The following ASTE1 variants were observed in gnomAD, a reference collection of about 807,000 sequenced individuals.
ASTE1 encodes asteroid structure-specific endonuclease 1, also known as single-strand DNA endonuclease ASTE1.
ASTE1 carries 49 observed loss-of-function variants against 45.8 expected under a neutral mutation model. That is an observed-to-expected ratio of 1.07 (90% confidence interval 0.85 to 1.36). ASTE1 has a LOEUF of 1.36. ASTE1 is among the 40% of genes most tolerant of loss of function. The pLI is 0.00. For synonymous variants in ASTE1, 296 were observed against 303.9 expected (o/e 0.97, Z 0.27); for missense variants, 709 against 804.0 (o/e 0.88, Z 1.43).
Position 131,016,143 on chromosome 3 carries a change from C to A in ASTE1, c.1709+1G>T. 2.5e-6 allele frequency: 4 copies of A among 1,613,416 alleles called. No individual in the cohort carries two copies. The highest frequency in any genetic ancestry group is 3.4e-6 in the Non-Finnish European group (4 of 1,179,916). On this transcript the variant is annotated splice_donor_variant, in intron 5 of 5. Coordinates refer to ENST00000264992, the MANE Select transcript of ASTE1 (RefSeq NM_014065.4). LOFTEE classifies it high-confidence loss of function. ...GAACTAAAGTTTCCCATGGTGCTTA[C>A]CGAGTTAGGTCTGGCTCTGGGAGAG...
At chr3:131,014,491 T>C in intron 5 of ASTE1, 104 bp from the exon 6 acceptor site, 11 of 1,064,814 alleles carry the variant, frequency 1.0e-5, no homozygotes, top group South Asian at 3.5e-5. Flanking sequence ...CAATGAGAGC[T>C]CTTATTGCTC....
intron 3 of ASTE1, 108 bp downstream of exon 3, chr3:131,023,897 G>T: frequency 8.8e-7 from 1 of 1,140,532 alleles, no homozygotes; most frequent in Non-Finnish European, 1.2e-6. Flanking sequence ...GGGCAAGATA[G>T]CACTCAACCT....
chr3:131,016,942 A>C, intron 4 of ASTE1: 1 of 1,237,770 alleles, frequency 8.1e-7, no homozygotes, highest in African/African-American at 1.6e-5. Flanking sequence ...GCAGGGGTGC[A>C]CAAAATAACA....
chr3:131,014,172 T>C lies in ASTE1; in HGVS notation c.1925A>G (p.Lys642Arg). The C allele has an allele frequency of 6.2e-7, 1 of 1,614,058 alleles. No individual in the cohort carries two copies. Among genetic ancestry groups the C allele is most frequent in the Non-Finnish European group, 8.5e-7 (1 of 1,180,010 alleles). The change falls in exon 6 of 6, where the codon AAG (lysine) becomes AGG (arginine). Residue 642 changes from lysine to arginine, a missense_variant. By Grantham distance (26) the Lys-to-Arg change is conservative. Coordinates refer to ENST00000264992, the MANE Select transcript of ASTE1 (RefSeq NM_014065.4). Reference sequence around the variant, plus strand: ...GTGTGCAGTGGTTCTCCCTCTGTTCTTAGAACAGCTGGTATTCTGTTTCTT... The same window carrying C: ...GTGTGCAGTGGTTCTCCCTCTGTTCCTAGAACAGCTGGTATTCTGTTTCTT... ...RQKKQNTSCS[K>R]NRGRTTAHTK...
intron 4 of ASTE1, chr3:131,017,035 C>T: frequency 7.8e-7 from 1 of 1,289,404 alleles, no homozygotes; most frequent in Non-Finnish European, 1.0e-6. Context: ...TGCCTGGGTA[C>T]AGGGTCCACA....
Position 131,017,969 on chromosome 3 carries a change from C to CAA in ASTE1, c.1513+535_1513+536dup, listed in dbSNP as rs10555602. Among the ~76,000 whole-genome samples, 254 of 44,794 alleles carry CAA rather than the reference C, an allele frequency of 5.7e-3. 14 individuals are homozygous for CAA. Among genetic ancestry groups the CAA allele is most frequent in the African/African-American group, 0.016 (215 of 13,610 alleles). 29.4% of individuals were successfully genotyped at this position (44,794 alleles called of 152,430 possible). On this transcript the variant is annotated intron_variant, in intron 4 of 5. Coordinates refer to ENST00000264992, the MANE Select transcript of ASTE1 (RefSeq NM_014065.4). ...TAGGCAACAGAGTGAGACTCCATCT[C>CAA]AAAAAAAAAAAAAAAAAAAAAAAAA...
intron 3 of ASTE1, among the ~76,000 whole-genome samples, chr3:131,019,945 A>G (rs1213892130): frequency 6.6e-6 from 1 of 152,226 alleles, no homozygotes; most frequent in Non-Finnish European, 1.5e-5. Flanking sequence ...TACTGGAAGT[A>G]GTTTTAACTA....
In ASTE1 at chr3:131,014,066, G is replaced by A. The variant is rs2063454929; in HGVS notation, c.2031C>T (p.Asn677=). Residue 677 remains asparagine (N), a synonymous_variant, in exon 6 of 6, where the codon AAC becomes AAT. Transcript: ENST00000264992. ...ENLEEHSEAS[N]IE ...TGATGCAAACTGAGTTTTATTCAAT[G>A]TTGGAGGCCTCACTATGTTCCTCTA... 4.4e-6 allele frequency: 7 copies of A among 1,580,772 alleles called. No individual in the cohort carries two copies. The highest frequency in any genetic ancestry group is 6.0e-6 in the Non-Finnish European group (7 of 1,166,932).
chr3:131,017,008 G>C, intron 4 of ASTE1: 2 of 1,289,362 alleles, frequency 1.6e-6, no homozygotes, highest in Non-Finnish European at 2.0e-6. Context: ...AACTAGCGAG[G>C]AGCAAGACAC....
Position 131,024,639 on chromosome 3 carries a change from C to A in ASTE1, c.668G>T (p.Gly223Val). ...GATGGGTAGATTAACATGGTCATTTCCACATAGCACCGCAAAGAGAGGTAG... is the reference window on the plus strand; with the variant it reads ...GATGGGTAGATTAACATGGTCATTTACACATAGCACCGCAAAGAGAGGTAG... Reference protein sequence around the residue: ...ALLPLFAVLCGNDHVNLPIME... With the variant: ...ALLPLFAVLCVNDHVNLPIME... Residue 223 changes from glycine (G) to valine (V), a missense_variant, in exon 3 of 6, where the codon GGA becomes GTA. Physicochemically the swap from Gly to Val is moderately radical, Grantham distance 109. Transcript: ENST00000264992. 1 of 1,598,168 alleles carries A rather than the reference C, an allele frequency of 6.3e-7. No individual in the cohort carries two copies. The highest frequency in any genetic ancestry group is 1.7e-4 in the Middle Eastern group (1 of 5,962).
rs759277815 is a variant in ASTE1, at chr3:131,018,516, G to T, written c.1503C>A (p.Ile501=). 2.0e-5 allele frequency: 32 copies of T among 1,613,824 alleles called. No individual in the cohort carries two copies. The highest frequency in any genetic ancestry group is 2.4e-5 in the Non-Finnish European group (28 of 1,179,898). Reference sequence around the variant, plus strand: ...TTTCCAGTTACCTACCAGGGCTGTTGATTATGGCAATCAAGGGCCCCACTA... The same window carrying T: ...TTTCCAGTTACCTACCAGGGCTGTTTATTATGGCAATCAAGGGCCCCACTA... The part of the protein sequence containing the change: ...TMLVGPLIAI[I]NSPGKEELQE... The change falls in exon 4 of 6, where the codon ATC becomes ATA. Residue 501 remains isoleucine, a synonymous_variant. Coordinates refer to ENST00000264992, the MANE Select transcript of ASTE1 (RefSeq NM_014065.4).
intron 1 of ASTE1, 186 bp downstream of exon 1, chr3:131,026,321 A>G (rs1294078258): frequency 1.3e-5 from 2 of 152,338 alleles, no homozygotes; most frequent in Non-Finnish European, 2.9e-5. Flanking sequence ...TAAAGCGTCC[A>G]TAAGCAGAGA....
In ASTE1 at chr3:131,025,266, C is replaced by G. The variant is rs150834933; in HGVS notation, c.41G>C (p.Ser14Thr). Residue 14 changes from serine to threonine, a missense_variant, in exon 3 of 6, where the codon AGT (serine) becomes ACT (threonine). Physicochemically the swap from Ser to Thr is moderately conservative, Grantham distance 58 (BLOSUM62 1). Transcript: ENST00000264992. ...RGLMSFVEDHSNEFFTDLKLR... is the reference protein window; with the variant it reads ...RGLMSFVEDHTNEFFTDLKLR... ...CTTCAAATCAGTGAAGAACTCATTA[C>G]TATGATCTTCCACAAAACTCATTAG... 1.4e-4 allele frequency: 224 copies of G among 1,614,060 alleles called. No homozygotes were observed. The highest frequency in any genetic ancestry group is 8.2e-4 in the Middle Eastern group (5 of 6,062).
intron 5 of ASTE1, 30 bp from the exon 6 acceptor site, chr3:131,014,417 TAAAG>T (rs1295075509): frequency 3.3e-6 from 5 of 1,534,094 alleles, no homozygotes; most frequent in Non-Finnish European, 4.4e-6. Context: ...AGTATGTTGT[TAAAG>T]AAGTAATTCA....
At chr3:131,020,210 G>C (rs1212395303) in intron 3 of ASTE1, among the ~76,000 whole-genome samples, 1 of 152,144 alleles carries the variant, frequency 6.6e-6, no homozygotes, top group Non-Finnish European at 1.5e-5. Flanking sequence ...CTGTAAAATG[G>C]TCATTATAAT....
intron 4 of ASTE1, 116 bp from the exon 5 acceptor site, chr3:131,016,455 A>T: frequency 2.5e-6 from 3 of 1,178,566 alleles, no homozygotes; most frequent in Non-Finnish European, 3.6e-6. Flanking sequence ...AAAAACTAAG[A>T]TGTTTTTCTC....
At chr3:131,020,403 C>G (rs1209315638) in intron 3 of ASTE1, among the ~76,000 whole-genome samples, 2 of 152,138 alleles carry the variant, frequency 1.3e-5, no homozygotes, top group African/African-American at 2.4e-5. Flanking sequence ...GCAGAGATGC[C>G]CAGAGAGAGA....
chr3:131,024,239 C>G lies in ASTE1; in HGVS notation c.1068G>C (p.Gln356His). 6.2e-7 allele frequency: 1 copy of G among 1,614,206 alleles called. No individual in the cohort carries two copies. The highest frequency in any genetic ancestry group is 8.5e-7 in the Non-Finnish European group (1 of 1,180,026). Residue 356 changes from glutamine to histidine, a missense_variant, in exon 3 of 6, where the codon CAG becomes CAC. Gln to His is a conservative substitution (Grantham distance 24). Coordinates refer to ENST00000264992, the MANE Select transcript of ASTE1 (RefSeq NM_014065.4). ...LVLRRTILPTQVENMQQPNAH... is the reference protein window; with the variant it reads ...LVLRRTILPTHVENMQQPNAH... ...CATTTGGTTGCTGCATGTTTTCCAC[C>G]TGTGTGGGAAGAATGGTCCGTCTTA...
Position 131,024,536 on chromosome 3 carries a change from C to T in ASTE1, c.771G>A (p.Leu257=), listed in dbSNP as rs760076780. Residue 257 remains leucine (L), a synonymous_variant, in exon 3 of 6, where the codon CTG becomes CTA. Transcript: ENST00000264992. ...SSKGRRHHRI[L]GLLNWLSHFA... ...AATGAGACAACCAATTCAGAAGTCC[C>T]AGGATTCGGTGGTGTCTCCTCCCTT... 5.1e-5 allele frequency: 82 copies of T among 1,613,952 alleles called. 1 individual carries two copies. The highest frequency in any genetic ancestry group is 6.6e-5 in the Non-Finnish European group (78 of 1,180,038).
Sources: gnomAD v4.1 joint callset for allele counts (sites outside exome capture counted in the v4.1 genomes callset) on GRCh38, gnomAD v4.1.1 for gene constraint, MANE v1.5 for transcripts, NCBI Gene and HGNC (gene_info 2026-07-23, HGNC 2026-07-21) for gene names.